Variants in SIPA1 observed in about 807,000 individuals in gnomAD.
SIPA1 encodes signal-induced proliferation-associated 1.
Under a neutral mutation model 88.1 loss-of-function variants are expected in SIPA1, and 51 were observed. The ratio of observed to expected loss-of-function variants is 0.58; its 90% CI spans 0.46 to 0.73. The LOEUF (loss-of-function observed/expected upper bound fraction) is 0.73. Ranked by LOEUF, SIPA1 falls within the 30% of genes least tolerant of loss-of-function variation. SIPA1 has a pLI of 0.00. For missense variants in SIPA1, 1,348 were observed against 1,467.6 expected (o/e 0.92, Z 1.33); for synonymous variants, 681 against 664.8 (o/e 1.02, Z -0.37).
chr11:65,650,840 A>C lies in SIPA1; in HGVS notation c.*125A>C. The C allele has an allele frequency of 1.4e-5, 15 of 1,090,372 alleles. No homozygotes were observed. Among genetic ancestry groups the C allele is most frequent in the Non-Finnish European group, 1.6e-5 (13 of 788,686 alleles). The allele number at this position is 1,090,372 out of a possible 1,614,324, so 67.5% of individuals were successfully genotyped here. ...TCCCTAGCCCCTTATTTGGTGGCGG[A>C]AGTGGCCTCCACCCCTTCCCTGTTT... is the stretch of plus-strand genomic sequence containing the variant. On this transcript the variant is annotated 3_prime_UTR_variant, in exon 16 of 16. Transcript: ENST00000534313.
At position 65,649,321 on chromosome 11, in the gene SIPA1, A is replaced by G; in HGVS notation, c.2366A>G (p.Asp789Gly). 6.4e-7 allele frequency: 1 copy of G among 1,558,940 alleles called. No homozygotes were observed. The highest frequency in any genetic ancestry group is 8.7e-7 in the Non-Finnish European group (1 of 1,151,352). Reference sequence around the variant, plus strand: ...GAGCCTAGCCGGCGGGGGGCCCCAGATCCTGTGCAGGATGAGGTCCAGGGG... The same window carrying G: ...GAGCCTAGCCGGCGGGGGGCCCCAGGTCCTGTGCAGGATGAGGTCCAGGGG... ...LQEPSRRGAP[D>G]PVQDEVQGVT... Residue 789 changes from aspartate (D) to glycine (G), a missense_variant, in exon 10 of 16, where the codon GAT becomes GGT. Coordinates refer to ENST00000534313, the MANE Select transcript of SIPA1 (RefSeq NM_006747.4).
intron 8 of SIPA1, 59 bp from the exon 9 acceptor site, chr11:65,647,325 G>A: frequency 7.3e-7 from 1 of 1,368,872 alleles, no homozygotes; most frequent in Non-Finnish European, 9.4e-7. Context: ...CCAGGGGGCG[G>A]GCGCTGGGGC....
In SIPA1 at chr11:65,646,657, C is replaced by A; in HGVS notation, c.1623C>A (p.Thr541=). ...AGCAGTACCTGCAAGACCTGGCCAC[C>A]AACGAGGTGACCACTACGTCGCTGG... The part of the protein sequence containing the change: ...TRQQYLQDLA[T]NEVTTTSLDS... The change falls in exon 8 of 16, where the codon ACC becomes ACA. Residue 541 remains threonine (T), a synonymous_variant. Transcript: ENST00000534313. This position sits in a 1 kb window ranked among gnomAD's most constrained non-coding sequence, Gnocchi z 7.5. 4 of 1,547,806 alleles carry A rather than the reference C, an allele frequency of 2.6e-6. No individual in the cohort carries two copies. Among genetic ancestry groups the A allele is most frequent in the Non-Finnish European group, 3.5e-6 (4 of 1,149,198 alleles).
chr11:65,648,646 C>T (rs1354568213), intron 9 of SIPA1, among the ~76,000 whole-genome samples: 2 of 151,958 alleles, frequency 1.3e-5, no homozygotes, highest in Non-Finnish European at 2.9e-5. Flanking sequence ...CCAGCCTGGC[C>T]AACATGCTGA....
At chr11:65,649,903 G>A (rs1296069525) in intron 12 of SIPA1, 38 bp downstream of exon 12, 25 of 1,613,166 alleles carry the variant, frequency 1.5e-5, no homozygotes, top group Non-Finnish European at 2.0e-5. Flanking sequence ...AGGGGTTGGG[G>A]GGTGCTCCTG....
Position 65,642,162 on chromosome 11 carries a change from A to C in SIPA1, c.680-88A>C. On this transcript the variant is annotated intron_variant, in intron 2 of 15. Coordinates refer to ENST00000534313, the MANE Select transcript of SIPA1 (RefSeq NM_006747.4). The surrounding 1 kb of genome is among the most constrained non-coding windows in gnomAD (Gnocchi z 6.5). ...AACATTTGGTGGTGAGATGAAGCCT[A>C]GGGCGGGGCTTAGTGATGCGCGTGG... 2.7e-6 allele frequency: 4 copies of C among 1,500,472 alleles called. No individual in the cohort carries two copies. Among genetic ancestry groups the C allele is most frequent in the Non-Finnish European group, 3.6e-6 (4 of 1,121,086 alleles). 92.9% of individuals were successfully genotyped at this position (1,500,472 alleles called of 1,614,324 possible).
intron 4 of SIPA1, among the ~76,000 whole-genome samples, chr11:65,643,009 G>A (rs1163793609): frequency 5.3e-5 from 8 of 152,006 alleles, no homozygotes; most frequent in South Asian, 2.1e-4. Flanking sequence ...TCTGCCTTCC[G>A]GGTTCAAGAG....
At chr11:65,646,000 T>C (rs754943436) in intron 6 of SIPA1, 43 bp downstream of exon 6, 21 of 1,462,674 alleles carry the variant, frequency 1.4e-5, no homozygotes, top group South Asian at 2.3e-5. Flanking sequence ...CCGGGAACCA[T>C]GGAGGGCCCT....
Position 65,650,660 on chromosome 11 carries a change from C to T in SIPA1, c.3074C>T (p.Thr1025Ile). The T allele has an allele frequency of 6.3e-7, 1 of 1,575,168 alleles. No individual in the cohort carries two copies. Among genetic ancestry groups the T allele is most frequent in the Non-Finnish European group, 8.6e-7 (1 of 1,160,356 alleles). Residue 1025 changes from threonine (T) to isoleucine (I), a missense_variant, in exon 16 of 16, where the codon ACA (threonine) becomes ATA (isoleucine). Coordinates refer to ENST00000534313, the MANE Select transcript of SIPA1 (RefSeq NM_006747.4). The stretch of plus-strand genomic sequence containing the variant: ...CAGGCGGAGTCTGAGAGTGCAGCCA[C>T]ACGCCTCCTCCTGGCCTCCAAGCAG... ...RLQAESESAA[T>I]RLLLASKQLG...
Position 65,649,663 on chromosome 11 carries a change from C to A in SIPA1, c.2628C>A (p.Pro876=). 1 of 1,614,088 alleles carries A rather than the reference C, an allele frequency of 6.2e-7. No homozygotes were observed. The change falls in exon 11 of 16, where the codon CCC becomes CCA. Residue 876 remains proline (P), a synonymous_variant. Coordinates refer to ENST00000534313, the MANE Select transcript of SIPA1 (RefSeq NM_006747.4). ...TACCCAGTGCTGACAGTGAGACACC[C>A]CTGACCCAGGTGAGCAGAAACCAGG... ...PSVPSADSET[P]LTQDRPGSPS...
intron 8 of SIPA1, 126 bp from the exon 9 acceptor site, chr11:65,647,258 G>A (rs949040861): frequency 5.1e-6 from 7 of 1,364,102 alleles, no homozygotes; most frequent in Non-Finnish European, 6.7e-6. Context: ...TCCCTCGGGC[G>A]GTGGCACACG....
At chr11:65,640,735 G>T in intron 1 of SIPA1, 96 bp from the exon 2 acceptor site, 9 of 520,556 alleles carry the variant, frequency 1.7e-5, no homozygotes, top group South Asian at 5.9e-5. Context: ...GTCTCGGAGG[G>T]GGCCGGAAGC....
chr11:65,646,237 A>G lies in SIPA1; in HGVS notation c.1280A>G (p.His427Arg). The G allele has an allele frequency of 6.2e-7, 1 of 1,614,038 alleles. No individual in the cohort carries two copies. Among genetic ancestry groups the G allele is most frequent in the Non-Finnish European group, 8.5e-7 (1 of 1,179,988 alleles). ...AACCCCTAGCTCCTCCGGAAGCGCC[A>G]CATTGGCAACGACATTGTGACCATC... ...NNQQQLLRKR[H>R]IGNDIVTIVF... The change falls in exon 7 of 16, where the codon CAC (histidine) becomes CGC (arginine). Residue 427 changes from histidine to arginine, a missense_variant. Around this residue, in one of 4 missense-constraint regions of SIPA1, gnomAD observed 641 missense variants for 797.7 expected, o/e 0.80. Coordinates refer to ENST00000534313, the MANE Select transcript of SIPA1 (RefSeq NM_006747.4). This position sits in a 1 kb window ranked among gnomAD's most constrained non-coding sequence, Gnocchi z 7.5.
Position 65,642,727 on chromosome 11 carries a change from C to G in SIPA1, c.984+88C>G. ...CAGCTCCCAAACCCCTAGCCTTGAC[C>G]CTGATCCTGGGCTGGGTGGTGACCC... On this transcript the variant is annotated intron_variant, in intron 4 of 15. Coordinates refer to ENST00000534313, the MANE Select transcript of SIPA1 (RefSeq NM_006747.4). This position sits in a 1 kb window ranked among gnomAD's most constrained non-coding sequence, Gnocchi z 6.5. 7.8e-7 allele frequency: 1 copy of G among 1,280,550 alleles called. No homozygotes were observed. The highest frequency in any genetic ancestry group is 1.0e-6 in the Non-Finnish European group (1 of 963,140). The allele number at this position is 1,280,550 out of a possible 1,614,324, so 79.3% of individuals were successfully genotyped here. A position where few individuals can be genotyped will look rare whatever the true frequency, so the allele number is the denominator to read the frequency against.
Position 65,646,399 on chromosome 11 carries a change from A to T in SIPA1, c.1421+21A>T, listed in dbSNP as rs777786728. ...TACAGGTGGGCACCGGAGTGGTCCC[A>T]GGTCTCCCGTGGGCATGGAGTCCTG... On this transcript the variant is annotated intron_variant, in intron 7 of 15. Transcript: ENST00000534313. The surrounding 1 kb of genome is among the most constrained non-coding windows in gnomAD (Gnocchi z 7.5). 2 of 1,604,620 alleles carry T rather than the reference A, an allele frequency of 1.2e-6. No individual in the cohort carries two copies. Among genetic ancestry groups the T allele is most frequent in the East Asian group, 4.5e-5 (2 of 44,822 alleles).
chr11:65,643,028 G>C (rs1856040861), intron 4 of SIPA1, among the ~76,000 whole-genome samples: 1 of 152,050 alleles, frequency 6.6e-6, no homozygotes, highest in Admixed American at 6.6e-5. Flanking sequence ...AGATTCTCCT[G>C]CCTCAGCCTC....
Position 65,649,342 on chromosome 11 carries a change from AG to A in SIPA1, c.2392del (p.Val798Ter). On this transcript the variant is annotated frameshift_variant, in exon 10 of 16. Coordinates refer to ENST00000534313, the MANE Select transcript of SIPA1 (RefSeq NM_006747.4). LOFTEE classifies it high-confidence loss of function. The part of the protein sequence containing the change: ...GAPDPVQDEV[Q>X]GVTLLPTTKQ... ...CCAGATCCTGTGCAGGATGAGGTCC[AG>A]GGGGTGACCCTGCTGCCCACCACAA... The A allele has an allele frequency of 1.3e-6, 2 of 1,561,672 alleles. No individual in the cohort carries two copies. Among genetic ancestry groups the A allele is most frequent in the Non-Finnish European group, 1.7e-6 (2 of 1,152,950 alleles).
Position 65,642,594 on chromosome 11 carries a change from T to C in SIPA1, c.939T>C (p.Ala313=), listed in dbSNP as rs886308846. 1 of 1,595,280 alleles carries C rather than the reference T, an allele frequency of 6.3e-7. No homozygotes were observed. Among genetic ancestry groups the C allele is most frequent in the Non-Finnish European group, 8.5e-7 (1 of 1,176,324 alleles). ...LSPSCLRLGS[A]SPKVPRTLLT... The stretch of plus-strand genomic sequence containing the variant: ...CCAGCTGCCTGCGCCTGGGCTCAGC[T>C]TCACCCAAGGTACCACGGACGCTGC... The change falls in exon 4 of 16, where the codon GCT becomes GCC. Residue 313 remains alanine, a synonymous_variant. Coordinates refer to ENST00000534313, the MANE Select transcript of SIPA1 (RefSeq NM_006747.4). This position sits in a 1 kb window ranked among gnomAD's most constrained non-coding sequence, Gnocchi z 6.5.
Position 65,642,319 on chromosome 11 carries a change from A to G in SIPA1, c.749A>G (p.Lys250Arg), listed in dbSNP as rs772570184. Residue 250 changes from lysine (K) to arginine (R), a missense_variant, in exon 3 of 16, where the codon AAG (lysine) becomes AGG (arginine). Around this residue, in one of 4 missense-constraint regions of SIPA1, gnomAD observed 641 missense variants for 797.7 expected, o/e 0.80. Coordinates refer to ENST00000534313, the MANE Select transcript of SIPA1 (RefSeq NM_006747.4). This position sits in a 1 kb window ranked among gnomAD's most constrained non-coding sequence, Gnocchi z 6.5. The part of the protein sequence containing the change: ...PVAVSLRREE[K>R]EGSGGGTLHS... The stretch of plus-strand genomic sequence containing the variant: ...GCAGTGAGCCTGCGGCGGGAGGAGA[A>G]GGAGGGCAGCGGAGGGGGCACCCTG... 1 of 1,549,192 alleles carries G rather than the reference A, an allele frequency of 6.5e-7. No individual in the cohort carries two copies. Among genetic ancestry groups the G allele is most frequent in the Non-Finnish European group, 8.7e-7 (1 of 1,148,198 alleles).
Sources: gnomAD v4.1 joint callset for allele counts (sites outside exome capture counted in the v4.1 genomes callset) on GRCh38, gnomAD v4.1.1 for gene constraint, gnomAD v4.1.1 regional missense constraint, Gnocchi (gnomAD v3.1) non-coding constraint, MANE v1.5 for transcripts, NCBI Gene and HGNC (gene_info 2026-07-23, HGNC 2026-07-21) for gene names.